The following NAV2 variants were observed in gnomAD, a reference collection of about 807,000 sequenced individuals.
The protein encoded by NAV2 is neuron navigator 2.
In NAV2, 54 loss-of-function variants were observed where a neutral mutation model predicts 223.2. That is an observed-to-expected ratio of 0.24 (90% CI 0.19 to 0.30). The LOEUF (loss-of-function observed/expected upper bound fraction) is 0.30. Among genes scored for constraint, NAV2 ranks in the 10% least tolerant of loss-of-function variants. NAV2 has a pLI of 1.00. For synonymous variants in NAV2, 1,279 were observed against 1,239.3 expected, an observed-to-expected ratio of 1.03 and a Z score of -0.67; for missense variants, 2,806 against 3,147.5, an observed-to-expected ratio of 0.89 and a Z score of 2.60.
intron 1 of NAV2, among the ~76,000 whole-genome samples, chr11:19,386,202 G>A (rs888704996): frequency 6.6e-6 from 1 of 152,164 alleles, no homozygotes; most frequent in East Asian, 1.9e-4. Context: ...TTTAACAATC[G>A]TTTGGGTGCC....
intron 10 of NAV2, chr11:19,981,483 C>T (rs769504980): frequency 6.6e-6 from 1 of 152,178 alleles, no homozygotes; most frequent in African/African-American, 2.4e-5. Flanking sequence ...TGTGTTGTTT[C>T]ACCAGCAATA....
chr11:19,913,093 T>A (rs1591207030), intron 6 of NAV2, among the ~76,000 whole-genome samples: 1 of 152,216 alleles, frequency 6.6e-6, no homozygotes, highest in South Asian at 2.1e-4. Flanking sequence ...CATTTTTCTT[T>A]CCTTAACTCT....
intron 1 of NAV2, among the ~76,000 whole-genome samples, chr11:19,453,591 T>C (rs1408491725): frequency 6.6e-6 from 1 of 152,172 alleles, no homozygotes; most frequent in East Asian, 1.9e-4. Flanking sequence ...ATGTATGTCA[T>C]CTATGTGGCC....
At chr11:19,868,801 C>T in intron 3 of NAV2, 124 bp from the exon 4 acceptor site, 1 of 805,414 alleles carries the variant, frequency 1.2e-6, no homozygotes, top group Non-Finnish European at 2.0e-6. Context: ...AAGAGAGTGT[C>T]CTATCTTGGC....
intron 1 of NAV2, among the ~76,000 whole-genome samples, chr11:19,500,493 C>T (rs2042931194): frequency 6.6e-6 from 1 of 152,132 alleles, no homozygotes; most frequent in African/African-American, 2.4e-5. Context: ...TGAAAAGTGT[C>T]CTGAAGAAAT....
chr11:20,009,237 T>C (rs1041980943), intron 11 of NAV2, among the ~76,000 whole-genome samples: 3 of 152,212 alleles, frequency 2.0e-5, no homozygotes, highest in African/African-American at 7.2e-5. Flanking sequence ...CCCCTGAGCT[T>C]ACTTACTCAA....
At chr11:19,641,860 A>G (rs2047677330) in intron 1 of NAV2, among the ~76,000 whole-genome samples, 1 of 151,926 alleles carries the variant, frequency 6.6e-6, no homozygotes, top group African/African-American at 2.4e-5. Context: ...CCTTTCTGGC[A>G]CTTATAACAA....
chr11:20,030,967 A>C (rs1364117829), intron 11 of NAV2, among the ~76,000 whole-genome samples: 1 of 152,230 alleles, frequency 6.6e-6, no homozygotes, highest in Non-Finnish European at 1.5e-5. Flanking sequence ...GATTTACTTC[A>C]TCATTCTTTT....
intron 10 of NAV2, among the ~76,000 whole-genome samples, chr11:19,975,232 C>T (rs776735598): frequency 6.6e-6 from 1 of 152,200 alleles, no homozygotes; most frequent in Admixed American, 6.5e-5. Flanking sequence ...CAGGAACTGT[C>T]AATTTTCGAA....
rs2058331125 is a variant in NAV2 at position 20,055,823 on chromosome 11, C to T, written c.4697C>T (p.Thr1566Ile). The change falls in exon 19 of 38, where the codon ACT (threonine) becomes ATT (isoleucine). Residue 1566 changes from threonine (T) to isoleucine (I), a missense_variant. By Grantham distance (89) the Thr-to-Ile change is moderately conservative. Coordinates refer to ENST00000349880, the MANE Select transcript of NAV2 (RefSeq NM_145117.5). ...MSLSNPTMLR[T>I]HSLSNADGQY... Reference sequence around the variant, plus strand: ...TTGTCCAACCCGACCATGCTGAGGACTCACAGCCTCTCCAATGCTGATGGG... The same window carrying T: ...TTGTCCAACCCGACCATGCTGAGGATTCACAGCCTCTCCAATGCTGATGGG... 6.2e-7 allele frequency: 1 copy of T among 1,614,102 alleles called. No homozygotes were observed. Among genetic ancestry groups the T allele is most frequent in the African/African-American group, 1.3e-5 (1 of 74,956 alleles).
intron 4 of NAV2, among the ~76,000 whole-genome samples, chr11:19,869,387 G>C (rs1031721685): frequency 2.0e-5 from 3 of 152,196 alleles, no homozygotes; most frequent in African/African-American, 7.2e-5. Context: ...GGGGAAAAAT[G>C]CTTAATCCTT....
At chr11:19,935,665 G>A (rs12270191) in intron 7 of NAV2, among the ~76,000 whole-genome samples, 5,472 of 151,974 alleles carry the variant, frequency 0.036, 143 homozygotes, top group Non-Finnish European at 0.053. Flanking sequence ...GTCAGGCATT[G>A]CACTCCTTCC....
At chr11:19,990,464 C>A (rs1845113476) in intron 11 of NAV2, among the ~76,000 whole-genome samples, 2 of 152,176 alleles carry the variant, frequency 1.3e-5, no homozygotes, top group South Asian at 2.1e-4. Flanking sequence ...GCTTGGGGAT[C>A]TGTAGGGCCT....
chr11:19,524,263 C>T (rs570682286), intron 1 of NAV2, among the ~76,000 whole-genome samples: 5 of 152,322 alleles, frequency 3.3e-5, no homozygotes, highest in African/African-American at 7.2e-5. Context: ...ACATCTGCCA[C>T]TTGGAGTATC....
At chr11:20,037,249 C>T (rs2056468082) in intron 12 of NAV2, among the ~76,000 whole-genome samples, 1 of 146,926 alleles carries the variant, frequency 6.8e-6, no homozygotes, top group East Asian at 2.1e-4. Context: ...ACTAGCACTG[C>T]CCCGTCTTTC....
At chr11:19,692,115 C>A (rs1007218440) in intron 1 of NAV2, among the ~76,000 whole-genome samples, 8 of 152,206 alleles carry the variant, frequency 5.3e-5, no homozygotes, top group African/African-American at 1.9e-4. Flanking sequence ...TCTTCTCCTG[C>A]CAAAATACAT....
At chr11:19,520,226 A>G (rs957127935) in intron 1 of NAV2, among the ~76,000 whole-genome samples, 1 of 152,232 alleles carries the variant, frequency 6.6e-6, no homozygotes, top group African/African-American at 2.4e-5. Context: ...GCACTCATAA[A>G]CAAACACTCA....
chr11:19,526,023 T>C (rs1434344536), intron 1 of NAV2, among the ~76,000 whole-genome samples: 1 of 152,140 alleles, frequency 6.6e-6, no homozygotes, highest in African/African-American at 2.4e-5. Flanking sequence ...GGGTGGGCAT[T>C]GTGAAATGTT....
At chr11:20,083,325 C>A in intron 26 of NAV2, 146 bp downstream of exon 26, 1 of 604,922 alleles carries the variant, frequency 1.7e-6, no homozygotes, top group Non-Finnish European at 2.7e-6. Flanking sequence ...TCTTTCAATG[C>A]TTTAGGACTG....
Sources: allele counts gnomAD v4.1 joint callset (sites outside exome capture counted in the v4.1 genomes callset), GRCh38; gene constraint gnomAD v4.1.1; transcripts MANE v1.5; gene names NCBI Gene and HGNC (gene_info 2026-07-23, HGNC 2026-07-21).